The following FLOT2 variants were observed in gnomAD, a reference collection of about 807,000 sequenced individuals.
FLOT2 encodes flotillin 2.
Under a neutral mutation model 54.9 loss-of-function variants are expected in FLOT2, and 35 were observed. That is an observed-to-expected ratio of 0.64 (90% confidence interval 0.49 to 0.84). The LOEUF (loss-of-function observed/expected upper bound fraction) is 0.84, where lower values mean the gene tolerates loss of function less well. Among genes scored for constraint, FLOT2 ranks in the 40% least tolerant of loss-of-function variants. The pLI is 0.00. For synonymous variants in FLOT2, 207 were observed against 228.9 expected, an observed-to-expected ratio of 0.90 and a Z score of 0.86; for missense variants, 464 against 572.1, an observed-to-expected ratio of 0.81 and a Z score of 1.93.
Position 28,884,282 on chromosome 17 carries a change from G to A in FLOT2, c.165C>T (p.Arg55=). Residue 55 remains arginine (R), a synonymous_variant, in exon 3 of 11, where the codon CGC becomes CGT. Coordinates refer to ENST00000394908, the MANE Select transcript of FLOT2 (RefSeq NM_004475.3). The surrounding 1 kb of genome is among the most constrained non-coding windows in gnomAD (Gnocchi z 5.1). ...ISLEIMTLQP[R]CEDVETAEGV... Reference sequence around the variant, plus strand: ...CCTCGGCCGTCTCTACGTCCTCGCAGCGGGGCTGCAACGTCATAATCTCTA... The same window carrying A: ...CCTCGGCCGTCTCTACGTCCTCGCAACGGGGCTGCAACGTCATAATCTCTA... 1.9e-6 allele frequency: 3 copies of A among 1,613,098 alleles called. No individual in the cohort carries two copies. The highest frequency in any genetic ancestry group is 3.3e-5 in the Admixed American group (2 of 59,908).
Position 28,882,254 on chromosome 17 carries a change from C to T in FLOT2, c.580-17G>A. On this transcript the variant is annotated splice_polypyrimidine_tract_variant and intron_variant, in intron 6 of 10. Transcript: ENST00000394908. The surrounding 1 kb of genome is among the most constrained non-coding windows in gnomAD (Gnocchi z 5.6). The stretch of plus-strand genomic sequence containing the variant: ...CTCAGCTTCCTGGGGACAAAAGGGG[C>T]AGAAGGGGAAGGTGAGTGAGTAGAG... The T allele has an allele frequency of 6.2e-7, 1 of 1,614,124 alleles. No homozygotes were observed. The highest frequency in any genetic ancestry group is 1.1e-5 in the South Asian group (1 of 91,066).
At position 28,882,473 on chromosome 17, in the gene FLOT2, G is replaced by C. The variant is rs572308228; in HGVS notation, c.466-23C>G. On this transcript the variant is annotated intron_variant, in intron 5 of 10. Transcript: ENST00000394908. The surrounding 1 kb of genome is among the most constrained non-coding windows in gnomAD (Gnocchi z 5.6). The stretch of plus-strand genomic sequence containing the variant: ...GTCCTGGGGAGGGAAGGGGGTATCA[G>C]AGGCTCAAAGGAGCAGCCAGAGGCA... 2 of 1,609,034 alleles carry C rather than the reference G, an allele frequency of 1.2e-6. No individual in the cohort carries two copies. The highest frequency in any genetic ancestry group is 8.5e-7 in the Non-Finnish European group (1 of 1,175,552).
rs778774380 is a variant in FLOT2, at chr17:28,884,303, C to T, written c.144G>A (p.Glu48=). The change falls in exon 3 of 11, where the codon GAG becomes GAA. Residue 48 remains glutamate, a synonymous_variant. Transcript: ENST00000394908. This position sits in a 1 kb window ranked among gnomAD's most constrained non-coding sequence, Gnocchi z 5.1. ...CISDTQRISL[E]IMTLQPRCED... ...CGCAGCGGGGCTGCAACGTCATAAT[C>T]TCTAGGGAAATCCTGCCAAGAAACG... 26 of 1,609,212 alleles carry T rather than the reference C, an allele frequency of 1.6e-5. No individual in the cohort carries two copies. In the South Asian group the frequency reaches 2.8e-4, roughly 17 times the overall value.
intron 2 of FLOT2, chr17:28,886,063 G>GGGGTT: frequency 1.6e-6 from 1 of 610,584 alleles, no homozygotes; most frequent in Non-Finnish European, 3.0e-6. Context: ...GGGGGCGGGG[G>GGGGTT]GGGGCATGCT....
rs1364681317 is a variant in FLOT2, at chr17:28,897,537, A to G, written c.38T>C (p.Leu13Pro). The change falls in exon 1 of 11, where the codon CTG (leucine) becomes CCG (proline). Residue 13 changes from leucine to proline, a missense_variant. By Grantham distance (98) the Leu-to-Pro change is moderately conservative. Transcript: ENST00000394908. This position sits in a 1 kb window ranked among gnomAD's most constrained non-coding sequence, Gnocchi z 4.4. Reference protein sequence around the residue: ...NCHTVGPNEALVVSGGCCGSD... With the variant: ...NCHTVGPNEAPVVSGGCCGSD... ...CGCCGCCCCCTCACCTGAAACCACC[A>G]GCGCCTCGTTGGGCCCCACCGTGTG... 2 of 1,606,170 alleles carry G rather than the reference A, an allele frequency of 1.2e-6. No individual in the cohort carries two copies. Among genetic ancestry groups the G allele is most frequent in the Non-Finnish European group, 1.7e-6 (2 of 1,176,770 alleles).
chr17:28,892,089 AT>A (rs1209724661), intron 1 of FLOT2, among the ~76,000 whole-genome samples: 1 of 152,196 alleles, frequency 6.6e-6, no homozygotes, highest in Non-Finnish European at 1.5e-5. Context: ...AAGGTAAGCC[AT>A]TCCGGGCTTC....
At position 28,897,026 on chromosome 17, in the gene FLOT2, C is replaced by G. The variant is rs1038869883; in HGVS notation, c.49+500G>C. On this transcript the variant is annotated intron_variant, in intron 1 of 10. Transcript: ENST00000394908. This position sits in a 1 kb window ranked among gnomAD's most constrained non-coding sequence, Gnocchi z 4.4. ...CCTGGGCGGGCAGTGCCGGTAATCCCCAACAAGCCCCAGCCTGCTTGGAAT... is the reference window on the plus strand; with the variant it reads ...CCTGGGCGGGCAGTGCCGGTAATCCGCAACAAGCCCCAGCCTGCTTGGAAT... Among the ~76,000 whole-genome samples, 6 of 152,348 alleles carry G rather than the reference C, an allele frequency of 3.9e-5. No homozygotes were observed. The highest frequency in any genetic ancestry group is 1.4e-4 in the African/African-American group (6 of 41,592).
In FLOT2 at chr17:28,883,465, C is replaced by G. The variant is rs2039491085; in HGVS notation, c.223-234G>C. Among the ~76,000 whole-genome samples the G allele has an allele frequency of 6.6e-6, 1 of 152,216 alleles. No individual in the cohort carries two copies. The highest frequency in any genetic ancestry group is 1.5e-5 in the Non-Finnish European group (1 of 68,038). ...AGCCCCAGGCCCTGCCACGGCCTCT[C>G]CTGGGCATTCGGGGCTTGTCTCCCC... On this transcript the variant is annotated intron_variant, in intron 3 of 10. Coordinates refer to ENST00000394908, the MANE Select transcript of FLOT2 (RefSeq NM_004475.3). This position sits in a 1 kb window ranked among gnomAD's most constrained non-coding sequence, Gnocchi z 5.0.
chr17:28,897,718 G>T lies in FLOT2; in HGVS notation c.-144C>A. On this transcript the variant is annotated 5_prime_UTR_variant, in exon 1 of 11. In the 5' UTR this introduces an upstream ATG that the reference lacks. Coordinates refer to ENST00000394908, the MANE Select transcript of FLOT2 (RefSeq NM_004475.3). The surrounding 1 kb of genome is among the most constrained non-coding windows in gnomAD (Gnocchi z 4.4). ...TCGCCCGCGCCCCTCTGCGGTCGCA[G>T]CCCCGCCGGAAGTGTGGCGGCGGAG... The T allele has an allele frequency of 1.6e-6, 1 of 631,878 alleles. No individual in the cohort carries two copies. Among genetic ancestry groups the T allele is most frequent in the Non-Finnish European group, 2.3e-6 (1 of 443,270 alleles). 39.1% of individuals were successfully genotyped at this position (631,878 alleles called of 1,614,324 possible).
rs139785721 is a variant in FLOT2, at chr17:28,884,602, G to A, written c.132-287C>T. On this transcript the variant is annotated intron_variant, in intron 2 of 10. Transcript: ENST00000394908. The surrounding 1 kb of genome is among the most constrained non-coding windows in gnomAD (Gnocchi z 5.1). The stretch of plus-strand genomic sequence containing the variant: ...TAGAAAGAAGTGGTTGTGGGTGGTC[G>A]GGGGCTGTTGGTCAGGGGAGAATCC... 5.4e-3 allele frequency among the ~76,000 whole-genome samples: 817 copies of A among 152,300 alleles called. 2 individuals are homozygous for A. Among genetic ancestry groups the A allele is most frequent in the Non-Finnish European group, 7.9e-3 (539 of 68,010 alleles).
chr17:28,881,523 G>A (rs922900907), intron 8 of FLOT2, 148 bp from the exon 9 acceptor site: 8 of 858,950 alleles, frequency 9.3e-6, no homozygotes, highest in Non-Finnish European at 1.1e-5. Flanking sequence ...CTGACCTTCC[G>A]GCTCTGGCCA....
At chr17:28,896,321 AAAAC>A (rs2039740287) in intron 1 of FLOT2, among the ~76,000 whole-genome samples, 1 of 152,204 alleles carries the variant, frequency 6.6e-6, no homozygotes, top group South Asian at 2.1e-4. Flanking sequence ...TTCCACAAGA[AAAAC>A]AAAGTGCAGT....
rs1158704875 is a variant in FLOT2, at chr17:28,881,380, G to A, written c.915-5C>T. On this transcript the variant is annotated splice_polypyrimidine_tract_variant and splice_region_variant and intron_variant, in intron 8 of 10. Transcript: ENST00000394908. ...GCCAAGAGGACCTGCTTCACCCTGG[G>A]GGAGCCCAGGCCAGTTAGGATCAGT... 2.5e-6 allele frequency: 4 copies of A among 1,609,628 alleles called. No homozygotes were observed. The African/African-American group carries it at 4.0e-5, about 16-fold the overall frequency.
rs1380043257 is a variant in FLOT2, at chr17:28,881,265, T to C, written c.1025A>G (p.Lys342Arg). 2.5e-6 allele frequency: 4 copies of C among 1,614,074 alleles called. No homozygotes were observed. The East Asian group carries it at 8.9e-5, about 36-fold the overall frequency. ...AMGKAEAERMKLKAEAYQKYG... is the reference protein window; with the variant it reads ...AMGKAEAERMRLKAEAYQKYG... ...TTTCTGGTAGGCTTCTGCCTTGAGC[T>C]TCATCCGCTCAGCCTCTGCCTTGCC... Residue 342 changes from lysine (K) to arginine (R), a missense_variant, in exon 9 of 11, where the codon AAG (lysine) becomes AGG (arginine). Transcript: ENST00000394908.
chr17:28,888,879 C>G (rs953173722), intron 2 of FLOT2, 66 bp downstream of exon 2: 1 of 1,082,188 alleles, frequency 9.2e-7, no homozygotes, highest in Admixed American at 2.1e-5. Context: ...TGAAGCAGAA[C>G]AATGCTGGAA....
intron 9 of FLOT2, 131 bp from the exon 10 acceptor site, chr17:28,880,993 A>G: frequency 8.0e-7 from 1 of 1,247,900 alleles, no homozygotes; most frequent in Non-Finnish European, 1.1e-6. Flanking sequence ...GTCTCGAGCC[A>G]TGGTAAGAGA....
Position 28,883,295 on chromosome 17 carries a change from A to G in FLOT2, c.223-64T>C. On this transcript the variant is annotated intron_variant, in intron 3 of 10. Transcript: ENST00000394908. The surrounding 1 kb of genome is among the most constrained non-coding windows in gnomAD (Gnocchi z 5.0). The stretch of plus-strand genomic sequence containing the variant: ...CGAGGCAGACAAAGGCCCCAGACCC[A>G]GAGGTAGGCAGGATGGTGGCTGTGC... 1 of 1,601,440 alleles carries G rather than the reference A, an allele frequency of 6.2e-7. No individual in the cohort carries two copies. The highest frequency in any genetic ancestry group is 8.5e-7 in the Non-Finnish European group (1 of 1,172,918).
At chr17:28,895,273 CAA>C (rs2039723074) in intron 1 of FLOT2, among the ~76,000 whole-genome samples, 1 of 151,896 alleles carries the variant, frequency 6.6e-6, no homozygotes, top group South Asian at 2.1e-4. Context: ...AATTTAAAAC[CAA>C]GTGTGCAATA....
intron 1 of FLOT2, among the ~76,000 whole-genome samples, chr17:28,894,214 T>C (rs1392365317): frequency 2.0e-5 from 3 of 152,216 alleles, no homozygotes; most frequent in African/African-American, 7.2e-5. Context: ...TGGCTGGGCA[T>C]GATGGCTCAT....
Sources: gnomAD v4.1 joint callset for allele counts (sites outside exome capture counted in the v4.1 genomes callset) on GRCh38, gnomAD v4.1.1 for gene constraint, Gnocchi (gnomAD v3.1) non-coding constraint, MANE v1.5 for transcripts, NCBI Gene and HGNC (gene_info 2026-07-23, HGNC 2026-07-21) for gene names.